LRP4: variants seen among roughly 807,000 people sequenced by gnomAD.
The protein encoded by LRP4 is LDL receptor related protein 4.
A neutral mutation model predicts 220.3 loss-of-function variants in LRP4; 95 were observed. The ratio of observed to expected loss-of-function variants is 0.43; its 90% CI spans 0.37 to 0.51. LRP4 has a LOEUF of 0.51. LRP4 is among the 20% of genes least tolerant of loss of function. The probability of loss-of-function intolerance (pLI) is 0.00; values close to 1 mark genes in which losing one functional copy is unlikely to be tolerated. For missense variants in LRP4, 1,925 were observed against 2,567.0 expected, an observed-to-expected ratio of 0.75 and a Z score of 5.40; for synonymous variants, 903 against 954.6, an observed-to-expected ratio of 0.95 and a Z score of 1.00.
chr11:46,901,716 G>A (rs1941668225), intron 2 of LRP4, among the ~76,000 whole-genome samples: 1 of 152,120 alleles, frequency 6.6e-6, no homozygotes, highest in South Asian at 2.1e-4. Context: ...TAGGGGAAAA[G>A]GGAGACTTAA....
In LRP4 at chr11:46,886,536, G is replaced by A. The variant is rs555994387; in HGVS notation, c.2216-3C>T. ...AAAAAGCAGGAACTTGTCAAGACCT[G>A]ATCAAAGGCCGAAAGGGGTCTTCTT... On this transcript the variant is annotated splice_region_variant and splice_polypyrimidine_tract_variant and intron_variant, in intron 16 of 37. Coordinates refer to ENST00000378623, the MANE Select transcript of LRP4 (RefSeq NM_002334.4). The A allele has an allele frequency of 7.4e-6, 12 of 1,613,588 alleles. No homozygotes were observed. Among genetic ancestry groups the A allele is most frequent in the East Asian group, 6.7e-5 (3 of 44,880 alleles).
At chr11:46,867,833 A>G in intron 34 of LRP4, 146 bp downstream of exon 34, 1 of 950,040 alleles carries the variant, frequency 1.1e-6, no homozygotes, top group Non-Finnish European at 1.6e-6. Context: ...ACAAGTCTGA[A>G]TATCACCTTC....
Position 46,899,900 on chromosome 11 carries a change from A to G in LRP4, c.393T>C (p.Gly131=). 1 of 1,613,896 alleles carries G rather than the reference A, an allele frequency of 6.2e-7. No individual in the cohort carries two copies. Among genetic ancestry groups the G allele is most frequent in the Non-Finnish European group, 8.5e-7 (1 of 1,180,026 alleles). Residue 131 remains glycine (G), a synonymous_variant, in exon 4 of 38, where the codon GGT becomes GGC. Transcript: ENST00000378623. This position sits in a 1 kb window ranked among gnomAD's most constrained non-coding sequence, Gnocchi z 5.9. ...CGCTGTTGTCGCCACAGTCATTGTC[A>G]CCATCGCAGTGCCACAGACTCCGGA... ...YCIRSLWHCD[G]DNDCGDNSDE... is the part of the protein sequence containing the mutation.
intron 1 of LRP4, among the ~76,000 whole-genome samples, chr11:46,904,440 G>A (rs1026366541): frequency 7.9e-5 from 12 of 152,066 alleles, no homozygotes; most frequent in African/African-American, 2.4e-4. Context: ...AACCCCAAGA[G>A]TAAGTGCAAG....
At chr11:46,910,501 A>T (rs892178425) in intron 1 of LRP4, among the ~76,000 whole-genome samples, 4 of 152,164 alleles carry the variant, frequency 2.6e-5, no homozygotes, top group Admixed American at 1.3e-4. Context: ...GTCACATCCA[A>T]CCACTCCATG....
At chr11:46,864,326 C>T (rs1940636860) in intron 36 of LRP4, 122 bp downstream of exon 36, 1 of 792,794 alleles carries the variant, frequency 1.3e-6, no homozygotes, top group Non-Finnish European at 2.2e-6. Context: ...CCTGACCAGG[C>T]ACCCAACCTT....
At chr11:46,887,343 CA>C (rs1482508321) in intron 16 of LRP4, among the ~76,000 whole-genome samples, 3 of 152,126 alleles carry the variant, frequency 2.0e-5, no homozygotes, top group Non-Finnish European at 2.9e-5. Flanking sequence ...TGTCAGGGGA[CA>C]GGGGGCTTTA....
chr11:46,883,770 T>C (rs1374398147), intron 19 of LRP4, 101 bp downstream of exon 19: 8 of 903,896 alleles, frequency 8.9e-6, no homozygotes, highest in Non-Finnish European at 1.4e-5. Context: ...CTTGGGCATA[T>C]CCATAAGATC....
At position 46,875,875 on chromosome 11, in the gene LRP4, GGTT is replaced by G. The variant is rs1941000675; in HGVS notation, c.3625_3627del (p.Asn1209del). 6.2e-7 allele frequency: 1 copy of G among 1,614,018 alleles called. No individual in the cohort carries two copies. The highest frequency in any genetic ancestry group is 1.7e-5 in the Admixed American group (1 of 60,004). On this transcript the variant is annotated inframe_deletion, in exon 26 of 38. Coordinates refer to ENST00000378623, the MANE Select transcript of LRP4 (RefSeq NM_002334.4). This position sits in a 1 kb window ranked among gnomAD's most constrained non-coding sequence, Gnocchi z 4.5. ...ACAGTCAGTCCATTGGGCCATCCTA[GGTT>G]GTTGTTGATGAGCACCGCGCGGTCT...
At chr11:46,906,425 C>A (rs1941761169) in intron 1 of LRP4, among the ~76,000 whole-genome samples, 1 of 151,178 alleles carries the variant, frequency 6.6e-6, no homozygotes, top group Non-Finnish European at 1.5e-5. Flanking sequence ...CACTGCACTG[C>A]AGCCTGGGCA....
chr11:46,902,134 G>C (rs1941677153), intron 2 of LRP4, among the ~76,000 whole-genome samples: 1 of 151,798 alleles, frequency 6.6e-6, no homozygotes, highest in African/African-American at 2.4e-5. Context: ...GAGGTGGCTG[G>C]ATCACTTGAA....
At chr11:46,910,997 C>A (rs1941850427) in intron 1 of LRP4, among the ~76,000 whole-genome samples, 1 of 152,036 alleles carries the variant, frequency 6.6e-6, no homozygotes, top group African/African-American at 2.4e-5. Flanking sequence ...AATTTATCAC[C>A]AACTAATTCT....
intron 13 of LRP4, among the ~76,000 whole-genome samples, chr11:46,891,202 C>T (rs1214984382): frequency 6.6e-6 from 1 of 152,116 alleles, no homozygotes; most frequent in Non-Finnish European, 1.5e-5. Flanking sequence ...CAACCTCCAC[C>T]TCCTGGACCC....
Position 46,875,404 on chromosome 11 carries a change from G to T in LRP4, c.3925+52C>A. On this transcript the variant is annotated intron_variant, in intron 27 of 37. Transcript: ENST00000378623. The surrounding 1 kb of genome is among the most constrained non-coding windows in gnomAD (Gnocchi z 4.5). ...TGGATATATCTCTGATGTTGAGATG[G>T]CCCCAGAAAGCCAGAGGCTCTGACT... 2.7e-6 allele frequency: 4 copies of T among 1,465,294 alleles called. No individual in the cohort carries two copies. The highest frequency in any genetic ancestry group is 2.9e-6 in the Non-Finnish European group (3 of 1,047,418). The allele number at this position is 1,465,294 out of a possible 1,614,324, so 90.8% of individuals were successfully genotyped here.
chr11:46,896,326 T>C lies in LRP4; in HGVS notation c.932A>G (p.Gln311Arg). ...EENCENTGSP[Q>R]CALDQFLCWN... The stretch of plus-strand genomic sequence containing the variant: ...ACACAGGAACTGGTCCAAGGCACAT[T>C]GGGGGCTTCCTAGAGAGATGGAGGG... The change falls in exon 9 of 38, where the codon CAA becomes CGA. Residue 311 changes from glutamine (Q) to arginine (R), a missense_variant. This residue lies in a region of LRP4 where 412 missense variants were observed against 505.4 expected (regional missense o/e 0.82). Transcript: ENST00000378623. 1 of 1,613,736 alleles carries C rather than the reference T, an allele frequency of 6.2e-7. No homozygotes were observed. Among genetic ancestry groups the C allele is most frequent in the East Asian group, 2.2e-5 (1 of 44,876 alleles).
intron 12 of LRP4, among the ~76,000 whole-genome samples, chr11:46,894,028 A>T (rs1941475405): frequency 6.6e-6 from 1 of 151,086 alleles, no homozygotes; most frequent in African/African-American, 2.4e-5. Context: ...AGTAGCTGGG[A>T]TTACAGGCAT....
In LRP4 at chr11:46,858,024, C is replaced by T. The variant is rs967519148; in HGVS notation, c.*959G>A. ...TTTCTTTGAAAGCTTGTTTCTAGGT[C>T]TCTTCCCCAGAATCCCAGGACATGA... On this transcript the variant is annotated 3_prime_UTR_variant, in exon 38 of 38. Coordinates refer to ENST00000378623, the MANE Select transcript of LRP4 (RefSeq NM_002334.4). 1 of 152,494 alleles carries T rather than the reference C, an allele frequency of 6.6e-6. No individual in the cohort carries two copies. Among genetic ancestry groups the T allele is most frequent in the Non-Finnish European group, 1.5e-5 (1 of 68,102 alleles). 9.4% of individuals were successfully genotyped at this position (152,494 alleles called of 1,614,324 possible).
chr11:46,893,155 G>A, intron 12 of LRP4, 26 bp from the exon 13 acceptor site: 1 of 1,614,022 alleles, frequency 6.2e-7, no homozygotes, highest in Non-Finnish European at 8.5e-7. Flanking sequence ...AGCAAAAAAT[G>A]TCAAGGAGTC....
chr11:46,894,869 CT>C (rs1327416284), intron 11 of LRP4, 50 bp from the exon 12 acceptor site: 9 of 1,503,430 alleles, frequency 6.0e-6, no homozygotes, highest in African/African-American at 1.4e-5. Context: ...AGAGCCGCCC[CT>C]GGTACCCATC....
Sources: gnomAD v4.1 joint callset for allele counts (sites outside exome capture counted in the v4.1 genomes callset) on GRCh38, gnomAD v4.1.1 for gene constraint, gnomAD v4.1.1 regional missense constraint, Gnocchi (gnomAD v3.1) non-coding constraint, MANE v1.5 for transcripts, NCBI Gene and HGNC (gene_info 2026-07-23, HGNC 2026-07-21) for gene names.